The following PDE4D variants were observed in gnomAD, a reference collection of about 807,000 sequenced individuals.
PDE4D encodes the protein 3',5'-cyclic-AMP phosphodiesterase 4D.
PDE4D carries 24 observed loss-of-function variants against 87.4 expected under a neutral mutation model. That is an observed-to-expected ratio of 0.27 (90% CI 0.20 to 0.39). The LOEUF (loss-of-function observed/expected upper bound fraction) is 0.39, where lower values mean the gene tolerates loss of function less well. Ranked by LOEUF, PDE4D falls within the 10% of genes least tolerant of loss-of-function variation. The pLI, the probability that PDE4D is intolerant of heterozygous loss-of-function variation, is 1.00. For missense variants in PDE4D, 714 were observed against 1,041.0 expected (o/e 0.69, Z 4.32); for synonymous variants, 384 against 383.2 (o/e 1.00, Z -0.02).
At chr5:60,033,246 T>C (rs775771987) in intron 2 of PDE4D, among the ~76,000 whole-genome samples, 4 of 152,170 alleles carry the variant, frequency 2.6e-5, no homozygotes, top group African/African-American at 4.8e-5. Context: ...ATTCTACCTT[T>C]GGTTGTATAC....
chr5:60,050,062 CT>C (rs1298340388), intron 2 of PDE4D, among the ~76,000 whole-genome samples: 2 of 152,242 alleles, frequency 1.3e-5, no homozygotes, highest in Non-Finnish European at 2.9e-5. Context: ...AGGATATAAT[CT>C]CCTGGTGCCG....
rs138364532 is a variant in PDE4D at position 58,995,744 on chromosome 5, A to C, written c.922-2279T>G. Among the ~76,000 whole-genome samples the C allele has an allele frequency of 5.8e-3, 880 of 152,342 alleles. 7 individuals carry two copies. Among genetic ancestry groups the C allele is most frequent in the African/African-American group, 0.02 (835 of 41,576 alleles). Reference sequence around the variant, plus strand: ...TATAACCATAAAAATAGTTACTTAAATAGCTAGCTCCTCTTTCTCAAATCC... The same window carrying C: ...TATAACCATAAAAATAGTTACTTAACTAGCTAGCTCCTCTTTCTCAAATCC... On this transcript the variant is annotated intron_variant, in intron 6 of 14. Coordinates refer to ENST00000340635, the MANE Select transcript of PDE4D (RefSeq NM_001104631.2).
chr5:59,192,059 T>A (rs987993691), intron 3 of PDE4D, among the ~76,000 whole-genome samples: 1 of 152,192 alleles, frequency 6.6e-6, no homozygotes, highest in Non-Finnish European at 1.5e-5. Context: ...GGTGATTGTA[T>A]TTTATTTTTA....
At chr5:59,295,697 C>A (rs1768927769) in intron 1 of PDE4D, among the ~76,000 whole-genome samples, 1 of 152,048 alleles carries the variant, frequency 6.6e-6, no homozygotes, top group South Asian at 2.1e-4. Flanking sequence ...GAGTAAGCAA[C>A]CGTCATGTGA....
chr5:60,115,122 A>G (rs554075071), intron 2 of PDE4D, among the ~76,000 whole-genome samples: 8 of 152,182 alleles, frequency 5.3e-5, no homozygotes, highest in Admixed American at 5.2e-4. Flanking sequence ...TTTTGAAAAA[A>G]CTTCCCCAGT....
intron 1 of PDE4D, among the ~76,000 whole-genome samples, chr5:59,836,643 T>TATCTATCTATC (rs1422644148): frequency 7.6e-6 from 1 of 131,740 alleles, no homozygotes; most frequent in Non-Finnish European, 1.5e-5. Context: ...TCTATCTATC[T>TATCTATCTATC]ATCTATCTAT....
chr5:59,664,845 C>A (rs1745806656), intron 1 of PDE4D, among the ~76,000 whole-genome samples: 2 of 152,114 alleles, frequency 1.3e-5, no homozygotes, highest in Non-Finnish European at 2.9e-5. Context: ...TGCCAGATTA[C>A]AATGAATATA....
At chr5:59,751,574 G>GGTGTGTGTGTGTGTGTGTGTGTGTGT (rs57407769) in intron 1 of PDE4D, among the ~76,000 whole-genome samples, 13 of 142,738 alleles carry the variant, frequency 9.1e-5, no homozygotes, top group African/African-American at 2.9e-4. Context: ...ATAAATCCCT[G>GGTGTGTGTGTGTGTGTGTGTGTGTGT]GTGTGTGTGT....
intron 5 of PDE4D, among the ~76,000 whole-genome samples, chr5:59,113,770 A>T (rs1438492820): frequency 6.6e-6 from 1 of 152,034 alleles, no homozygotes; most frequent in Non-Finnish European, 1.5e-5. Context: ...CTAGTATTTC[A>T]CTCCTCCGGG....
Position 59,670,860 on chromosome 5 carries a change from C to T in PDE4D, c.455+222308G>A, listed in dbSNP as rs955272674. ...TTACTTTTTTTTTTTAAATAGATGG[C>T]GGTCTTGCTGTGTTACCCAGGCTGG... is the stretch of plus-strand genomic sequence containing the variant. On this transcript the variant is annotated intron_variant, in intron 1 of 14. Transcript: ENST00000340635. Among the ~76,000 whole-genome samples, 3 of 151,576 alleles carry T rather than the reference C, an allele frequency of 2.0e-5. No homozygotes were observed. In the South Asian group the frequency reaches 6.3e-4, roughly 32 times the overall value.
intron 1 of PDE4D, among the ~76,000 whole-genome samples, chr5:59,441,622 G>A (rs10069009): frequency 3.3e-5 from 5 of 152,230 alleles, no homozygotes; most frequent in East Asian, 1.9e-4. Context: ...GTGATATGAC[G>A]ATTGCAGGGC....
intron 1 of PDE4D, among the ~76,000 whole-genome samples, chr5:59,360,738 C>T (rs1050521754): frequency 1.3e-5 from 2 of 152,082 alleles, no homozygotes; most frequent in Non-Finnish European, 2.9e-5. Context: ...ATTGAAAGGT[C>T]AATTATTCCA....
At chr5:60,255,211 C>T (rs1341437623) in intron 1 of PDE4D, among the ~76,000 whole-genome samples, 2 of 151,886 alleles carry the variant, frequency 1.3e-5, no homozygotes, top group African/African-American at 4.8e-5. Flanking sequence ...GTACCATTGT[C>T]AAAGTGAAGA....
intron 1 of PDE4D, chr5:59,275,469 C>A (rs928699528): frequency 7.7e-6 from 12 of 1,558,468 alleles, no homozygotes; most frequent in Admixed American, 1.9e-5. Context: ...AACTGTCTTT[C>A]TGCAAAGAAG....
intron 1 of PDE4D, among the ~76,000 whole-genome samples, chr5:60,193,669 C>CAAAAAAAAAAAAAAAAAAAAAAAAA (rs35340734): frequency 2.1e-5 from 1 of 46,882 alleles, no homozygotes. Flanking sequence ...GACTCCGTCT[C>CAAAAAAAAAAAAAAAAAAAAAAAAA]AAAAAAAAAA....
chr5:60,026,345 C>G (rs1766622273), intron 2 of PDE4D, among the ~76,000 whole-genome samples: 1 of 152,138 alleles, frequency 6.6e-6, no homozygotes, highest in Non-Finnish European at 1.5e-5. Flanking sequence ...GACACATTCA[C>G]ATTTTTGGCA....
At chr5:60,403,462 A>G (rs2150050859) in intron 1 of PDE4D, among the ~76,000 whole-genome samples, 1 of 152,346 alleles carries the variant, frequency 6.6e-6, no homozygotes, top group Non-Finnish European at 1.5e-5. Flanking sequence ...TTCAACAAAT[A>G]CTTGCTGAGT....
intron 5 of PDE4D, among the ~76,000 whole-genome samples, chr5:59,083,252 T>C (rs1767087035): frequency 6.6e-6 from 1 of 152,040 alleles, no homozygotes; most frequent in African/African-American, 2.4e-5. Flanking sequence ...TTTTTTTTTG[T>C]TCTCTGGAAG....
At chr5:60,346,044 C>A (rs1206171343) in intron 1 of PDE4D, among the ~76,000 whole-genome samples, 1 of 152,042 alleles carries the variant, frequency 6.6e-6, no homozygotes, top group African/African-American at 2.4e-5. Context: ...CAGTTAAGAA[C>A]TTTAAATTTA....
Sources: gnomAD v4.1 joint callset for allele counts (sites outside exome capture counted in the v4.1 genomes callset) on GRCh38, gnomAD v4.1.1 for gene constraint, MANE v1.5 for transcripts, NCBI Gene and HGNC (gene_info 2026-07-23, HGNC 2026-07-21) for gene names.